SNX5: variants seen among roughly 807,000 people sequenced by gnomAD.
SNX5 encodes sorting nexin-5.
In SNX5, 31 loss-of-function variants were observed where a neutral mutation model predicts 53.9. The observed-to-expected ratio is 0.58, with a 90% confidence interval of 0.43 to 0.78. The LOEUF (loss-of-function observed/expected upper bound fraction) is 0.78, where lower values mean the gene tolerates loss of function less well. Ranked by LOEUF, SNX5 falls within the 30% of genes least tolerant of loss-of-function variation. SNX5 has a pLI of 0.00. For missense variants in SNX5, 471 were observed against 478.8 expected (o/e 0.98, Z 0.15); for synonymous variants, 168 against 171.1 (o/e 0.98, Z 0.14).
In SNX5 at chr20:17,951,615, AAG is replaced by A. The variant is rs2039569740; in HGVS notation, c.514-22_514-21del. The A allele has an allele frequency of 1.3e-6, 2 of 1,505,962 alleles. No individual in the cohort carries two copies. Among genetic ancestry groups the A allele is most frequent in the East Asian group, 4.5e-5 (2 of 44,290 alleles). 93.3% of individuals were successfully genotyped at this position (1,505,962 alleles called of 1,614,324 possible). On this transcript the variant is annotated intron_variant, in intron 5 of 12. Coordinates refer to ENST00000377759, the MANE Select transcript of SNX5 (RefSeq NM_014426.4). ...ACTTAGCTAAAAGAAGAAAATTCCA[AAG>A]AGTTTATATGGTATGGATTTTTCTA...
chr20:17,942,525 C>G (rs2039431819), intron 12 of SNX5, 118 bp from the exon 13 acceptor site: 1 of 763,262 alleles, frequency 1.3e-6, no homozygotes, highest in Non-Finnish European at 2.4e-6. Flanking sequence ...CCAGAGCAAG[C>G]TGGCCCTTCT....
At chr20:17,957,673 G>A (rs1275363947) in intron 1 of SNX5, among the ~76,000 whole-genome samples, 1 of 152,086 alleles carries the variant, frequency 6.6e-6, no homozygotes, top group Non-Finnish European at 1.5e-5. Flanking sequence ...TTACATAAAT[G>A]CCAAAGTACA....
At chr20:17,946,267 T>C (rs2039486371) in intron 11 of SNX5, among the ~76,000 whole-genome samples, 1 of 152,186 alleles carries the variant, frequency 6.6e-6, no homozygotes, top group Non-Finnish European at 1.5e-5. Flanking sequence ...CTCAGTCCAC[T>C]GAAGGGCACA....
Position 17,948,921 on chromosome 20 carries a change from C to T in SNX5, c.887G>A (p.Arg296Gln), listed in dbSNP as rs1190962856. 2 of 1,612,064 alleles carry T rather than the reference C, an allele frequency of 1.2e-6. No homozygotes were observed. The highest frequency in any genetic ancestry group is 2.2e-5 in the East Asian group (1 of 44,874). ...DEDLKLTELLRYYMLNIEAAK... is the reference protein window; with the variant it reads ...DEDLKLTELLQYYMLNIEAAK... ...AGCTTCAATGTTGAGCATGTAGTAT[C>T]GGAGGAGCTCTGTTAGCTTCAAATC... Residue 296 changes from arginine to glutamine, a missense_variant, in exon 10 of 13, where the codon CGA becomes CAA. Physicochemically the swap from Arg to Gln is conservative, Grantham distance 43. Coordinates refer to ENST00000377759, the MANE Select transcript of SNX5 (RefSeq NM_014426.4).
intron 11 of SNX5, chr20:17,945,366 G>A (rs2039472997): frequency 6.6e-6 from 1 of 152,208 alleles, no homozygotes; most frequent in African/African-American, 2.4e-5. Context: ...AACAGGTTAA[G>A]ACCCACCAAT....
At position 17,968,476 on chromosome 20, in the gene SNX5, A is replaced by C; in HGVS notation, c.-51T>G. 1 of 1,280,490 alleles carries C rather than the reference A, an allele frequency of 7.8e-7. No homozygotes were observed. The highest frequency in any genetic ancestry group is 9.9e-7 in the Non-Finnish European group (1 of 1,009,830). The allele number at this position is 1,280,490 out of a possible 1,614,324, so 79.3% of individuals were successfully genotyped here. A position where few individuals can be genotyped will look rare whatever the true frequency, so the allele number is the denominator to read the frequency against. ...CGCCTGGCTGTGCGAGGAAAGAAGA[A>C]GCTGGGCCGCCGCCGCCGCCGCCTG... On this transcript the variant is annotated 5_prime_UTR_variant, in exon 1 of 13. Transcript: ENST00000377759.
At chr20:17,961,347 G>C (rs1432605405) in intron 1 of SNX5, 1 of 985,312 alleles carries the variant, frequency 1.0e-6, no homozygotes, top group African/African-American at 1.7e-5. Flanking sequence ...CAAAAGGCAA[G>C]ATTCTAAAAC....
At chr20:17,942,440 A>C in intron 12 of SNX5, 33 bp from the exon 13 acceptor site, 1 of 1,565,310 alleles carries the variant, frequency 6.4e-7, no homozygotes, top group South Asian at 1.1e-5. Flanking sequence ...AGACCAGTGA[A>C]TTATTAAAAC....
chr20:17,968,061 G>T (rs567566405), intron 1 of SNX5: 2 of 398,618 alleles, frequency 5.0e-6, no homozygotes, highest in African/African-American at 2.1e-5. Context: ...CGAAGCCGAG[G>T]AAAGTTTTAA....
At chr20:17,961,983 T>A (rs748344606) in intron 1 of SNX5, 45 of 976,892 alleles carry the variant, frequency 4.6e-5, no homozygotes, top group Non-Finnish European at 4.7e-5. Context: ...TATTAAAGAT[T>A]CACATGATAC....
At chr20:17,956,910 T>C (rs772230582) in intron 2 of SNX5, 23 bp downstream of exon 2, 1 of 1,170,236 alleles carries the variant, frequency 8.5e-7, no homozygotes, top group South Asian at 1.2e-5. Flanking sequence ...GCACTGTATG[T>C]ATTACCACTG....
rs6111759 is a variant in SNX5 at position 17,956,698 on chromosome 20, A to C, written c.156+235T>G. On this transcript the variant is annotated intron_variant, in intron 2 of 12. Coordinates refer to ENST00000377759, the MANE Select transcript of SNX5 (RefSeq NM_014426.4). The stretch of plus-strand genomic sequence containing the variant: ...CAAAAAAAAAAAAAAAAAAAAAAAA[A>C]AAAAAACAAAAAAACAATGCCCACA... Among the ~76,000 whole-genome samples the C allele has an allele frequency of 9.1e-3, 1,141 of 125,072 alleles. 21 individuals carry two copies. The highest frequency in any genetic ancestry group is 0.03 in the African/African-American group (1,075 of 35,848). The allele number at this position is 125,072 out of a possible 152,430, so 82.1% of individuals were successfully genotyped here.
chr20:17,952,622 G>A lies in SNX5; in HGVS notation c.478C>T (p.Arg160Cys), dbSNP rs562671037. ...LSSHPVLSKD[R>C]NFHVFLEYDQ... ...TATTCCAGGAAAACATGAAAGTTGC[G>A]ATCTTTACTGAGAACAGGGTGAGAA... is the stretch of plus-strand genomic sequence containing the variant. Residue 160 changes from arginine to cysteine, a missense_variant, in exon 5 of 13, where the codon CGC becomes TGC. By Grantham distance (180) the Arg-to-Cys change is radical. Coordinates refer to ENST00000377759, the MANE Select transcript of SNX5 (RefSeq NM_014426.4). The A allele has an allele frequency of 9.3e-6, 15 of 1,613,940 alleles. No individual in the cohort carries two copies. The highest frequency in any genetic ancestry group is 8.9e-5 in the East Asian group (4 of 44,858).
At chr20:17,961,607 A>G in intron 1 of SNX5, 2 of 983,514 alleles carry the variant, frequency 2.0e-6, no homozygotes, top group Non-Finnish European at 2.4e-6. Context: ...AAATTACTAC[A>G]GATAGGATAA....
chr20:17,950,779 C>G (rs1403401182), intron 6 of SNX5, among the ~76,000 whole-genome samples: 2 of 152,140 alleles, frequency 1.3e-5, no homozygotes, highest in African/African-American at 4.8e-5. Flanking sequence ...ATCCTGGTAT[C>G]TGGTAGGCAT....
chr20:17,947,858 G>C (rs1369406087), intron 10 of SNX5, among the ~76,000 whole-genome samples: 1 of 151,990 alleles, frequency 6.6e-6, no homozygotes, highest in Non-Finnish European at 1.5e-5. Context: ...TATGAATCAA[G>C]TGATTACTCA....
chr20:17,954,239 A>G, intron 3 of SNX5, 122 bp from the exon 4 acceptor site: 1 of 1,471,196 alleles, frequency 6.8e-7, no homozygotes, highest in African/African-American at 1.4e-5. Flanking sequence ...GGGCTATTTA[A>G]AAGTCAACTC....
At position 17,950,082 on chromosome 20, in the gene SNX5, T is replaced by C. The variant is rs527712843; in HGVS notation, c.791+50A>G. ...TCATTTATGCTTTTAATTACACCAC[T>C]CGGCACTCTTCAATTGGGTTAGGGG... On this transcript the variant is annotated intron_variant, in intron 8 of 12. Coordinates refer to ENST00000377759, the MANE Select transcript of SNX5 (RefSeq NM_014426.4). 122 of 1,507,988 alleles carry C rather than the reference T, an allele frequency of 8.1e-5. 2 individuals carry two copies. The South Asian group carries it at 1.3e-3, about 16-fold the overall frequency. 93.4% of individuals were successfully genotyped at this position (1,507,988 alleles called of 1,614,324 possible).
chr20:17,948,755 T>A, intron 10 of SNX5, 135 bp downstream of exon 10: 2 of 691,944 alleles, frequency 2.9e-6, no homozygotes, highest in Non-Finnish European at 5.0e-6. Context: ...GCTTTATGGA[T>A]ACAATGCCAG....
Sources: gnomAD v4.1 joint callset for allele counts (sites outside exome capture counted in the v4.1 genomes callset) on GRCh38, gnomAD v4.1.1 for gene constraint, MANE v1.5 for transcripts, NCBI Gene and HGNC (gene_info 2026-07-23, HGNC 2026-07-21) for gene names.